The following C8orf34 variants were observed in gnomAD, a reference collection of about 807,000 sequenced individuals.
The protein encoded by C8orf34 is chromosome 8 open reading frame 34, also known as uncharacterized protein C8orf34.
C8orf34 carries 65 observed loss-of-function variants against 68.3 expected under a neutral mutation model. The ratio of observed to expected loss-of-function variants is 0.95; its 90% confidence interval spans 0.78 to 1.17. C8orf34 has a LOEUF of 1.17. C8orf34 is among the 50% of genes most tolerant of loss of function. The probability of loss-of-function intolerance (pLI) is 0.00; values close to 1 mark genes in which losing one functional copy is unlikely to be tolerated. For missense variants in C8orf34, 664 were observed against 655.4 expected (o/e 1.01, Z -0.14); for synonymous variants, 244 against 241.2 (o/e 1.01, Z -0.11).
intron 7 of C8orf34, among the ~76,000 whole-genome samples, chr8:68,567,079 G>A (rs185538860): frequency 1.0e-3 from 153 of 152,226 alleles, no homozygotes; most frequent in African/African-American, 3.5e-3. Context: ...ATGTTGGTCT[G>A]TAGTTTTCTT....
chr8:68,793,054 T>C (rs1001747255), intron 12 of C8orf34, among the ~76,000 whole-genome samples: 1 of 151,858 alleles, frequency 6.6e-6, no homozygotes, highest in African/African-American at 2.4e-5. Context: ...AGAAAGGCAA[T>C]AGTGAAAGAT....
intron 7 of C8orf34, among the ~76,000 whole-genome samples, chr8:68,634,954 A>G (rs1296965149): frequency 6.6e-6 from 1 of 152,182 alleles, no homozygotes; most frequent in African/African-American, 2.4e-5. Flanking sequence ...GTCTCCAGTG[A>G]ACCAGCAAAT....
chr8:68,549,090 G>T (rs1458861880), intron 7 of C8orf34, among the ~76,000 whole-genome samples: 2 of 151,760 alleles, frequency 1.3e-5, no homozygotes, highest in East Asian at 3.9e-4. Context: ...GATAAAAGGA[G>T]TGAGGACACA....
intron 7 of C8orf34, among the ~76,000 whole-genome samples, chr8:68,629,780 T>G (rs765490857): frequency 5.9e-5 from 9 of 152,060 alleles, no homozygotes; most frequent in Non-Finnish European, 1.0e-4. Flanking sequence ...TGTGTCTGTA[T>G]GTAAATGTGT....
intron 1 of C8orf34, among the ~76,000 whole-genome samples, chr8:68,384,568 A>G (rs1586029033): frequency 6.6e-6 from 1 of 152,340 alleles, no homozygotes; most frequent in Middle Eastern, 3.4e-3. Context: ...GTTTTTAAGA[A>G]GTGAGGAGAT....
In C8orf34 at chr8:68,653,731, A is replaced by T. The variant is rs1819430815; in HGVS notation, c.1241+13220A>T. Among the ~76,000 whole-genome samples the T allele has an allele frequency of 2.0e-5, 3 of 152,140 alleles. 1 individual carries two copies. The South Asian group carries it at 6.2e-4, about 32-fold the overall frequency. On this transcript the variant is annotated intron_variant, in intron 8 of 13. Coordinates refer to ENST00000518698, the MANE Select transcript of C8orf34 (RefSeq NM_052958.4). ...TGAGGGATCTTCCCTCATGGCCTAC[A>T]TACCTCCCAAAGGCCCCACCTCGAA...
intron 1 of C8orf34, among the ~76,000 whole-genome samples, chr8:68,334,977 C>T (rs2129617773): frequency 6.6e-6 from 1 of 152,258 alleles, no homozygotes; most frequent in Non-Finnish European, 1.5e-5. Flanking sequence ...CCTCAGCAAG[C>T]CCATTATTTC....
At chr8:68,494,165 T>C (rs1044589847) in intron 5 of C8orf34, among the ~76,000 whole-genome samples, 1 of 152,198 alleles carries the variant, frequency 6.6e-6, no homozygotes, top group African/African-American at 2.4e-5. Context: ...TATATACATA[T>C]ATACATACAA....
At chr8:68,523,481 T>A (rs1814845011) in intron 6 of C8orf34, among the ~76,000 whole-genome samples, 1 of 152,142 alleles carries the variant, frequency 6.6e-6, no homozygotes, top group African/African-American at 2.4e-5. Context: ...CATGAACCTG[T>A]CTCTTAAATG....
At chr8:68,527,291 T>G (rs1815041071) in intron 6 of C8orf34, among the ~76,000 whole-genome samples, 1 of 152,054 alleles carries the variant, frequency 6.6e-6, no homozygotes. Context: ...TATTCAGAAA[T>G]GAGAGGCCCG....
intron 12 of C8orf34, 122 bp from the exon 13 acceptor site, chr8:68,815,764 T>G (rs1221533927): frequency 5.3e-6 from 8 of 1,514,548 alleles, no homozygotes; most frequent in Non-Finnish European, 7.2e-6. Context: ...ATACTATAAA[T>G]GTAGTTTTAA....
At chr8:68,490,519 C>G (rs1038357391) in intron 5 of C8orf34, among the ~76,000 whole-genome samples, 3 of 152,130 alleles carry the variant, frequency 2.0e-5, no homozygotes, top group Non-Finnish European at 2.9e-5. Context: ...GGCAGTAGCT[C>G]AGGGGAATAT....
chr8:68,376,935 G>C (rs980599893), intron 1 of C8orf34, among the ~76,000 whole-genome samples: 1 of 152,174 alleles, frequency 6.6e-6, no homozygotes, highest in Non-Finnish European at 1.5e-5. Context: ...AAAGTTGTCT[G>C]TAATCTAGGG....
chr8:68,775,890 A>C (rs1173315342), intron 10 of C8orf34, among the ~76,000 whole-genome samples: 1 of 152,176 alleles, frequency 6.6e-6, no homozygotes, highest in East Asian at 1.9e-4. Context: ...TATCCTCAGC[A>C]AACTAACACA....
chr8:68,370,573 G>A (rs528064029), intron 1 of C8orf34, among the ~76,000 whole-genome samples: 1 of 152,236 alleles, frequency 6.6e-6, no homozygotes, highest in African/African-American at 2.4e-5. Context: ...TGCGGAGTGG[G>A]TGAATGTCCA....
intron 7 of C8orf34, among the ~76,000 whole-genome samples, chr8:68,544,920 T>C (rs1168826102): frequency 6.6e-6 from 1 of 152,084 alleles, no homozygotes; most frequent in Admixed American, 6.6e-5. Flanking sequence ...TAATAAGAAA[T>C]TTTATCAGAA....
At chr8:68,773,955 C>T (rs1396206302) in intron 10 of C8orf34, among the ~76,000 whole-genome samples, 1 of 152,122 alleles carries the variant, frequency 6.6e-6, no homozygotes, top group African/African-American at 2.4e-5. Flanking sequence ...TCCAGACAAA[C>T]GGGAAAAACC....
intron 4 of C8orf34, among the ~76,000 whole-genome samples, chr8:68,478,570 T>C (rs999675969): frequency 6.6e-6 from 1 of 152,218 alleles, no homozygotes; most frequent in African/African-American, 2.4e-5. Context: ...TTAGTCTGTT[T>C]TCACACTGCT....
intron 1 of C8orf34, among the ~76,000 whole-genome samples, chr8:68,370,303 A>G (rs983056273): frequency 2.6e-5 from 4 of 152,038 alleles, no homozygotes; most frequent in African/African-American, 9.7e-5. Flanking sequence ...TTTGCTTATT[A>G]TTTTGTCTCT....
Sources: allele counts gnomAD v4.1 joint callset (sites outside exome capture counted in the v4.1 genomes callset), GRCh38; gene constraint gnomAD v4.1.1; transcripts MANE v1.5; gene names NCBI Gene and HGNC (gene_info 2026-07-23, HGNC 2026-07-21).